Variants in FGD4 observed in about 807,000 individuals in gnomAD.
FGD4 encodes FYVE, RhoGEF and PH domain containing 4.
FGD4 carries 42 observed loss-of-function variants against 102.0 expected under a neutral mutation model. The observed-to-expected ratio is 0.41, with a 90% CI of 0.32 to 0.53. The LOEUF (loss-of-function observed/expected upper bound fraction) is 0.53, where lower values mean the gene tolerates loss of function less well. FGD4 is among the 20% of genes least tolerant of loss of function. FGD4 has a pLI of 0.21. For synonymous variants in FGD4, 380 were observed against 375.7 expected, an observed-to-expected ratio of 1.01 and a Z score of -0.13; for missense variants, 902 against 1,078.2, an observed-to-expected ratio of 0.84 and a Z score of 2.29.
intron 1 of FGD4, among the ~76,000 whole-genome samples, chr12:32,513,475 G>T (rs1235861145): frequency 6.6e-6 from 1 of 152,170 alleles, no homozygotes; most frequent in Non-Finnish European, 1.5e-5. Flanking sequence ...AGGCAACATG[G>T]TTCTTTATAC....
At position 32,608,915 on chromosome 12, in the gene FGD4, A is replaced by G. The variant is rs1948962515; in HGVS notation, c.1543+820A>G. Among the ~76,000 whole-genome samples the G allele has an allele frequency of 2.0e-5, 3 of 148,914 alleles. No individual in the cohort carries two copies. In the South Asian group the frequency reaches 6.2e-4, roughly 31 times the overall value. ...TTCTTTTTAAATTATTATTGTTGTT[A>G]TTATTACTATTATTATTTTGACACA... On this transcript the variant is annotated intron_variant, in intron 8 of 16. Coordinates refer to ENST00000534526, the MANE Select transcript of FGD4 (RefSeq NM_001370298.3).
chr12:32,439,402 T>C (rs1942350617), intron 1 of FGD4, among the ~76,000 whole-genome samples: 1 of 152,260 alleles, frequency 6.6e-6, no homozygotes, highest in African/African-American at 2.4e-5. Flanking sequence ...CTATTGTGAA[T>C]AGTGCTGCAG....
At chr12:32,443,531 T>C (rs907663741) in intron 1 of FGD4, among the ~76,000 whole-genome samples, 1 of 148,828 alleles carries the variant, frequency 6.7e-6, no homozygotes, top group African/African-American at 2.5e-5. Context: ...TCTTGTGTTT[T>C]AGGTTTTTTT....
rs1251532116 is a variant in FGD4, at chr12:32,453,233, ATATATTTTTT to A, written c.166+53276_166+53285del. On this transcript the variant is annotated intron_variant, in intron 1 of 16. Coordinates refer to ENST00000534526, the MANE Select transcript of FGD4 (RefSeq NM_001370298.3). ...ATATATATATATAATATAGATATAT[ATATATTTTTT>A]TTTTTTTAAATGTAGAGCCTCACTC... 4.8e-5 allele frequency among the ~76,000 whole-genome samples: 3 copies of A among 62,062 alleles called. 1 individual carries two copies. Among genetic ancestry groups the A allele is most frequent in the Admixed American group, 3.9e-4 (2 of 5,080 alleles). The allele number at this position is 62,062 out of a possible 152,430, so 40.7% of individuals were successfully genotyped here. A position where few individuals can be genotyped will look rare whatever the true frequency, so the allele number is the denominator to read the frequency against.
At chr12:32,495,469 G>C (rs1359730902) in intron 1 of FGD4, among the ~76,000 whole-genome samples, 2 of 152,074 alleles carry the variant, frequency 1.3e-5, no homozygotes, top group Admixed American at 1.3e-4. Flanking sequence ...GGCTGAGGCG[G>C]GCAGATCACG....
intron 1 of FGD4, among the ~76,000 whole-genome samples, chr12:32,459,707 T>TC: frequency 6.6e-6 from 1 of 152,172 alleles, no homozygotes; most frequent in African/African-American, 2.4e-5. Context: ...TTTTTTTTTT[T>TC]TCTAAATTTC....
At chr12:32,505,376 T>TA (rs1938612196) in intron 1 of FGD4, among the ~76,000 whole-genome samples, 1 of 152,216 alleles carries the variant, frequency 6.6e-6, no homozygotes, top group Admixed American at 6.5e-5. Context: ...GATGTGAACT[T>TA]ACACAAAAGC....
chr12:32,426,194 G>A (rs1030320273), intron 1 of FGD4, among the ~76,000 whole-genome samples: 2 of 152,146 alleles, frequency 1.3e-5, no homozygotes, highest in Non-Finnish European at 2.9e-5. Context: ...AATATTAGTT[G>A]TGGATTTGTC....
Position 32,638,753 on chromosome 12 carries a change from C to G in FGD4, c.2412C>G (p.Pro804=). ...KPWQKAWCVI[P]KQDPLVLYMY... is the part of the protein sequence containing the mutation. ...GGCAGAAAGCTTGGTGTGTGATCCCCAAGCAAGACCCTCTTGTGCTGTACA... is the reference window on the plus strand; with the variant it reads ...GGCAGAAAGCTTGGTGTGTGATCCCGAAGCAAGACCCTCTTGTGCTGTACA... Residue 804 remains proline, a synonymous_variant, in exon 16 of 17, where the codon CCC becomes CCG. Coordinates refer to ENST00000534526, the MANE Select transcript of FGD4 (RefSeq NM_001370298.3). The G allele has an allele frequency of 6.2e-7, 1 of 1,614,154 alleles. No individual in the cohort carries two copies. The highest frequency in any genetic ancestry group is 8.5e-7 in the Non-Finnish European group (1 of 1,180,022).
At chr12:32,481,058 C>A (rs983789471) in intron 1 of FGD4, among the ~76,000 whole-genome samples, 1 of 144,896 alleles carries the variant, frequency 6.9e-6, no homozygotes, top group African/African-American at 2.5e-5. Flanking sequence ...CTCAAGCAAT[C>A]CCCGGCTTGC....
intron 1 of FGD4, among the ~76,000 whole-genome samples, chr12:32,495,869 C>T (rs1244035086): frequency 6.6e-6 from 1 of 152,142 alleles, no homozygotes; most frequent in East Asian, 1.9e-4. Context: ...CCTTGCTGCA[C>T]ACAAAACCTC....
At chr12:32,440,716 C>A (rs1175840190) in intron 1 of FGD4, among the ~76,000 whole-genome samples, 1 of 152,226 alleles carries the variant, frequency 6.6e-6, no homozygotes, top group Non-Finnish European at 1.5e-5. Flanking sequence ...CTGCAGTTGG[C>A]AAGTGGCTAA....
chr12:32,546,766 T>G (rs1032885408), intron 1 of FGD4, among the ~76,000 whole-genome samples: 1 of 152,112 alleles, frequency 6.6e-6, no homozygotes, highest in Non-Finnish European at 1.5e-5. Flanking sequence ...CAGCCTCGAT[T>G]TGAGAAGCAA....
intron 5 of FGD4, among the ~76,000 whole-genome samples, chr12:32,600,095 T>C (rs890668278): frequency 3.3e-5 from 5 of 152,216 alleles, no homozygotes; most frequent in African/African-American, 1.2e-4. Flanking sequence ...TTAAGGCCTA[T>C]GCTCTTTGAA....
chr12:32,582,448 A>G lies in FGD4; in HGVS notation c.992A>G (p.Asp331Gly), dbSNP rs1439321771. 6.2e-7 allele frequency: 1 copy of G among 1,611,498 alleles called. No homozygotes were observed. The highest frequency in any genetic ancestry group is 1.7e-5 in the Admixed American group (1 of 60,028). Residue 331 changes from aspartate to glycine, a missense_variant, in exon 4 of 17, where the codon GAC becomes GGC. Around this residue, in one of 2 missense-constraint regions of FGD4, gnomAD observed 443 missense variants for 459.2 expected, o/e 0.96. Coordinates refer to ENST00000534526, the MANE Select transcript of FGD4 (RefSeq NM_001370298.3). Reference sequence around the variant, plus strand: ...AGCCCTCTGGAACTGGAGCAGCTGGACCAGCACCATGAGATGAAGGTAGAG... The same window carrying G: ...AGCCCTCTGGAACTGGAGCAGCTGGGCCAGCACCATGAGATGAAGGTAGAG... ...GESPLELEQL[D>G]QHHEMKETNE...
intron 1 of FGD4, among the ~76,000 whole-genome samples, chr12:32,518,666 G>T (rs1173493430): frequency 6.6e-6 from 1 of 152,142 alleles, no homozygotes; most frequent in Non-Finnish European, 1.5e-5. Context: ...TTTAAGCATG[G>T]CTGGTTAAGT....
rs1454504656 is a variant in FGD4, at chr12:32,602,251, A to C, written c.1338A>C (p.Ala446=). The C allele has an allele frequency of 4.3e-6, 7 of 1,614,096 alleles. No homozygotes were observed. In the Admixed American group the frequency reaches 1.0e-4, roughly 23 times the overall value. The change falls in exon 7 of 17, where the codon GCA becomes GCC. Residue 446 remains alanine, a synonymous_variant. Coordinates refer to ENST00000534526, the MANE Select transcript of FGD4 (RefSeq NM_001370298.3). ...YGEYVKGFDN[A]MELVKNMTER... ...AATATGTGAAAGGATTTGATAATGCAATGGAATTGGTTAAAAACATGACAG... is the reference window on the plus strand; with the variant it reads ...AATATGTGAAAGGATTTGATAATGCCATGGAATTGGTTAAAAACATGACAG...
At chr12:32,565,671 G>C (rs1348233058) in intron 2 of FGD4, among the ~76,000 whole-genome samples, 1 of 152,158 alleles carries the variant, frequency 6.6e-6, no homozygotes, top group Non-Finnish European at 1.5e-5. Flanking sequence ...AGATATAAGA[G>C]TGTCCTTTCT....
chr12:32,457,433 T>C (rs926153924), intron 1 of FGD4, among the ~76,000 whole-genome samples: 1 of 152,220 alleles, frequency 6.6e-6, no homozygotes, highest in Admixed American at 6.5e-5. Flanking sequence ...TATTTACCAC[T>C]GTGTTTATTT....
Sources: gnomAD v4.1 joint callset for allele counts (sites outside exome capture counted in the v4.1 genomes callset) on GRCh38, gnomAD v4.1.1 for gene constraint, gnomAD v4.1.1 regional missense constraint, MANE v1.5 for transcripts, NCBI Gene and HGNC (gene_info 2026-07-23, HGNC 2026-07-21) for gene names.